SETD3: variants seen among roughly 807,000 people sequenced by gnomAD.
The protein encoded by SETD3 is actin-histidine N-methyltransferase.
Under a neutral mutation model 63.0 loss-of-function variants are expected in SETD3, and 19 were observed. That is an observed-to-expected ratio of 0.30 (90% CI 0.21 to 0.44). The LOEUF is 0.44. Among genes scored for constraint, SETD3 ranks in the 20% least tolerant of loss-of-function variants. The pLI, the probability that SETD3 is intolerant of heterozygous loss-of-function variation, is 1.00. For synonymous variants in SETD3, 286 were observed against 264.1 expected, an observed-to-expected ratio of 1.08 and a Z score of -0.80; for missense variants, 587 against 728.5, an observed-to-expected ratio of 0.81 and a Z score of 2.24.
intron 8 of SETD3, chr14:99,412,550 A>G (rs1427666762): frequency 1.3e-5 from 2 of 159,208 alleles, no homozygotes; most frequent in Admixed American, 6.4e-5. Context: ...AAGAAGACAC[A>G]AAAGGGAAAA....
chr14:99,453,048 C>A, intron 6 of SETD3, among the ~76,000 whole-genome samples: 1 of 151,948 alleles, frequency 6.6e-6, no homozygotes, highest in Non-Finnish European at 1.5e-5. Flanking sequence ...AGCCTCAATG[C>A]CGAAAACAAA....
At chr14:99,423,789 C>T (rs1338828760) in intron 6 of SETD3, among the ~76,000 whole-genome samples, 3 of 152,004 alleles carry the variant, frequency 2.0e-5, no homozygotes, top group East Asian at 1.9e-4. Flanking sequence ...ACACAGAGTG[C>T]ACCCACCTGT....
At chr14:99,435,998 C>A (rs1893459350) in intron 6 of SETD3, among the ~76,000 whole-genome samples, 2 of 152,242 alleles carry the variant, frequency 1.3e-5, no homozygotes, top group South Asian at 4.1e-4. Flanking sequence ...AGGAAACTCA[C>A]AATCACAGAG....
intron 1 of SETD3, among the ~76,000 whole-genome samples, chr14:99,472,525 C>T (rs1895759150): frequency 6.6e-6 from 1 of 152,098 alleles, no homozygotes; most frequent in African/African-American, 2.4e-5. Flanking sequence ...AAATGAGACA[C>T]TCAAATAGGT....
intron 6 of SETD3, among the ~76,000 whole-genome samples, chr14:99,421,160 C>T (rs956431087): frequency 1.2e-4 from 17 of 146,078 alleles, no homozygotes; most frequent in Middle Eastern, 3.3e-3. Context: ...CTCCACCAAT[C>T]GATCAATGCT....
chr14:99,444,834 C>CAA (rs58112982), intron 6 of SETD3, among the ~76,000 whole-genome samples: 27 of 115,892 alleles, frequency 2.3e-4, no homozygotes, highest in African/African-American at 6.9e-4. Context: ...GACTTTGTCT[C>CAA]AAAAAAAAAA....
chr14:99,466,515 C>T (rs1895382406), intron 1 of SETD3, among the ~76,000 whole-genome samples: 1 of 152,154 alleles, frequency 6.6e-6, no homozygotes, highest in African/African-American at 2.4e-5. Flanking sequence ...ATAGGACACG[C>T]CATGGTGTCC....
intron 6 of SETD3, among the ~76,000 whole-genome samples, chr14:99,440,893 G>A (rs772572820): frequency 2.6e-5 from 4 of 151,844 alleles, no homozygotes; most frequent in Non-Finnish European, 4.4e-5. Flanking sequence ...AGAGATGCTC[G>A]ATTAAATCTA....
At chr14:99,477,439 G>A (rs778757023) in intron 1 of SETD3, among the ~76,000 whole-genome samples, 12 of 152,098 alleles carry the variant, frequency 7.9e-5, no homozygotes, top group Non-Finnish European at 1.3e-4. Context: ...TTTTTCAAAA[G>A]ACTATTAAGT....
intron 6 of SETD3, among the ~76,000 whole-genome samples, chr14:99,439,748 G>A (rs969732377): frequency 4.1e-5 from 6 of 147,162 alleles, no homozygotes; most frequent in Admixed American, 6.8e-5. Flanking sequence ...ACATATAAAT[G>A]TATGTATTTA....
chr14:99,436,533 G>A lies in SETD3; in HGVS notation c.675+21746C>T, dbSNP rs139198031. Among the ~76,000 whole-genome samples, 57 of 152,288 alleles carry A rather than the reference G, an allele frequency of 3.7e-4. 1 individual carries two copies. In the East Asian group the frequency reaches 0.01, roughly 28 times the overall value. On this transcript the variant is annotated intron_variant, in intron 6 of 12. Transcript: ENST00000331768. ...ACAGCATTCTCTATTACAGCACAGGGATAAGTGTTAGGCTGAGATTAAGCG... is the reference window on the plus strand; with the variant it reads ...ACAGCATTCTCTATTACAGCACAGGAATAAGTGTTAGGCTGAGATTAAGCG...
chr14:99,428,279 C>T (rs980040036), intron 6 of SETD3, among the ~76,000 whole-genome samples: 14 of 152,206 alleles, frequency 9.2e-5, no homozygotes, highest in Non-Finnish European at 2.1e-4. Flanking sequence ...GGAACAAGGA[C>T]TTTGTAGACA....
chr14:99,432,010 G>A (rs1248321210), intron 6 of SETD3, among the ~76,000 whole-genome samples: 3 of 152,116 alleles, frequency 2.0e-5, no homozygotes, highest in Non-Finnish European at 4.4e-5. Flanking sequence ...GATCCATCTT[G>A]AATGACAGCT....
At chr14:99,434,321 C>G (rs1209609220) in intron 6 of SETD3, among the ~76,000 whole-genome samples, 1 of 152,098 alleles carries the variant, frequency 6.6e-6, no homozygotes, top group Non-Finnish European at 1.5e-5. Context: ...GCATGCTCCC[C>G]CAACGCAAAA....
intron 6 of SETD3, among the ~76,000 whole-genome samples, chr14:99,457,617 T>G (rs1894832191): frequency 6.6e-6 from 1 of 152,212 alleles, no homozygotes; most frequent in African/African-American, 2.4e-5. Context: ...TGATTCAGAT[T>G]GTGCAGAATC....
At chr14:99,445,485 G>A (rs907140942) in intron 6 of SETD3, among the ~76,000 whole-genome samples, 1 of 152,200 alleles carries the variant, frequency 6.6e-6, no homozygotes, top group Non-Finnish European at 1.5e-5. Flanking sequence ...TGATGTCCTG[G>A]AGGGTCCTCT....
intron 11 of SETD3, among the ~76,000 whole-genome samples, chr14:99,402,074 A>AC (rs1891418605): frequency 6.6e-6 from 1 of 152,024 alleles, no homozygotes; most frequent in Non-Finnish European, 1.5e-5. Context: ...GTGTGTGCTC[A>AC]CCCCGGAGGG....
chr14:99,448,565 G>GGGGC (rs1894270402), intron 6 of SETD3, among the ~76,000 whole-genome samples: 1 of 152,092 alleles, frequency 6.6e-6, no homozygotes, highest in Admixed American at 6.5e-5. Context: ...TATCTACCCA[G>GGGGC]TTCCCATGAC....
intron 6 of SETD3, among the ~76,000 whole-genome samples, chr14:99,419,182 G>A (rs999739927): frequency 2.6e-5 from 4 of 152,092 alleles, no homozygotes; most frequent in African/African-American, 9.7e-5. Flanking sequence ...TCATCATAAA[G>A]TTCTTTGAAT....
Sources: allele counts gnomAD v4.1 joint callset (sites outside exome capture counted in the v4.1 genomes callset), GRCh38; gene constraint gnomAD v4.1.1; transcripts MANE v1.5; gene names NCBI Gene and HGNC (gene_info 2026-07-23, HGNC 2026-07-21).